LIPC: variants seen among roughly 807,000 people sequenced by gnomAD.
LIPC encodes hepatic triacylglycerol lipase.
LIPC carries 44 observed loss-of-function variants against 50.7 expected under a neutral mutation model. That is an observed-to-expected ratio of 0.87 (90% CI 0.68 to 1.11). The LOEUF is 1.11. Among genes scored for constraint, LIPC ranks in the 50% most tolerant of loss-of-function variants. The pLI, the probability that LIPC is intolerant of heterozygous loss-of-function variation, is 0.00. For synonymous variants in LIPC, 271 were observed against 256.4 expected (o/e 1.06, Z -0.54); for missense variants, 697 against 648.2 (o/e 1.08, Z -0.82).
chr15:58,558,642 C>G (rs1398133229), intron 6 of LIPC, among the ~76,000 whole-genome samples: 1 of 2,422 alleles, frequency 4.1e-4, no homozygotes, highest in Non-Finnish European at 4.0e-3. Flanking sequence ...TTATGAGAAT[C>G]TAATGCCTGA....
chr15:58,461,407 T>C (rs144762594), intron 1 of LIPC, among the ~76,000 whole-genome samples: 110 of 152,236 alleles, frequency 7.2e-4, no homozygotes, highest in African/African-American at 2.4e-3. Flanking sequence ...ACAGAGCCTA[T>C]GGTTTCTTTG....
intron 1 of LIPC, among the ~76,000 whole-genome samples, chr15:58,462,030 C>T (rs1894369490): frequency 6.6e-6 from 1 of 152,080 alleles, no homozygotes; most frequent in African/African-American, 2.4e-5. Flanking sequence ...ACAGCCTGCA[C>T]TGGATCATCC....
Position 58,538,323 on chromosome 15 carries a change from T to A in LIPC, c.89-10T>A, listed in dbSNP as rs1219253468. 2 of 1,613,920 alleles carry A rather than the reference T, an allele frequency of 1.2e-6. No homozygotes were observed. The highest frequency in any genetic ancestry group is 1.7e-6 in the Non-Finnish European group (2 of 1,179,922). The stretch of plus-strand genomic sequence containing the variant: ...CCAGGCTAAGCACCGTCCCCAATCT[T>A]ATATTGCAGAGCCATTTGGAAGAAG... On this transcript the variant is annotated splice_polypyrimidine_tract_variant and intron_variant, in intron 1 of 8. Coordinates refer to ENST00000299022, the MANE Select transcript of LIPC (RefSeq NM_000236.3).
intron 1 of LIPC, among the ~76,000 whole-genome samples, chr15:58,469,994 G>A (rs1295692965): frequency 6.7e-6 from 1 of 148,850 alleles, no homozygotes; most frequent in Non-Finnish European, 1.5e-5. Context: ...GTGCAGTGGT[G>A]CAATCATGCC....
chr15:58,490,496 C>T (rs1489511448), intron 1 of LIPC, among the ~76,000 whole-genome samples: 2 of 152,140 alleles, frequency 1.3e-5, no homozygotes, highest in Non-Finnish European at 2.9e-5. Context: ...CGGCGCCGTT[C>T]GCGGGATAAT....
chr15:58,557,813 C>T (rs180826368), intron 6 of LIPC, among the ~76,000 whole-genome samples: 1 of 152,112 alleles, frequency 6.6e-6, no homozygotes, highest in Non-Finnish European at 1.5e-5. Flanking sequence ...CTGGAAGGTA[C>T]CCTGACTATT....
chr15:58,526,696 G>A (rs1383075512), intron 1 of LIPC, among the ~76,000 whole-genome samples: 1 of 152,272 alleles, frequency 6.6e-6, no homozygotes, highest in East Asian at 1.9e-4. Context: ...ACAAATATCT[G>A]GAAGGAACTA....
intron 1 of LIPC, among the ~76,000 whole-genome samples, chr15:58,496,718 G>GC (rs1891776560): frequency 8.3e-6 from 1 of 120,736 alleles, no homozygotes; most frequent in South Asian, 2.8e-4. Context: ...GAGAACCCAA[G>GC]CCCTGCTACA....
chr15:58,567,271 G>A (rs1375227038), intron 8 of LIPC, among the ~76,000 whole-genome samples: 2 of 79,604 alleles, frequency 2.5e-5, no homozygotes, highest in South Asian at 3.7e-4. Context: ...GTATATGTGT[G>A]TGTGTGTGTG....
intron 1 of LIPC, among the ~76,000 whole-genome samples, chr15:58,470,095 G>A (rs191839024): frequency 1.2e-4 from 18 of 152,150 alleles, no homozygotes; most frequent in Admixed American, 2.6e-4. Context: ...ACCACACCCG[G>A]ATAATTTTTG....
intron 8 of LIPC, chr15:58,565,523 C>T (rs1194191706): frequency 1.4e-5 from 19 of 1,326,218 alleles, no homozygotes; most frequent in Admixed American, 3.3e-5. Context: ...ATTGGTCTCA[C>T]GTGATCTTTG....
At position 58,548,435 on chromosome 15, in the gene LIPC, T is replaced by G. The variant is rs768798538; in HGVS notation, c.914T>G (p.Met305Arg). 1.2e-6 allele frequency: 2 copies of G among 1,614,002 alleles called. No homozygotes were observed. Among genetic ancestry groups the G allele is most frequent in the East Asian group, 2.2e-5 (1 of 44,878 alleles). Reference sequence around the variant, plus strand: ...AGCATGGCCTACCCGTGTGGTGACATGAACAGCTTCAGCCAGGGCCTGTGC... The same window carrying G: ...AGCATGGCCTACCCGTGTGGTGACAGGAACAGCTTCAGCCAGGGCCTGTGC... ...TQSMAYPCGDMNSFSQGLCLS... is the reference protein window; with the variant it reads ...TQSMAYPCGDRNSFSQGLCLS... Residue 305 changes from methionine to arginine, a missense_variant, in exon 6 of 9, where the codon ATG (methionine) becomes AGG (arginine). Coordinates refer to ENST00000299022, the MANE Select transcript of LIPC (RefSeq NM_000236.3).
chr15:58,499,197 A>G (rs1338315660), intron 1 of LIPC, among the ~76,000 whole-genome samples: 1 of 152,184 alleles, frequency 6.6e-6, no homozygotes, highest in Non-Finnish European at 1.5e-5. Context: ...CAGCTCTATA[A>G]ATTCCTTCAC....
intron 6 of LIPC, among the ~76,000 whole-genome samples, chr15:58,551,129 G>C (rs1893745087): frequency 1.3e-5 from 2 of 152,022 alleles, no homozygotes; most frequent in African/African-American, 4.8e-5. Flanking sequence ...GAGCTACTGT[G>C]CCCAGCCCAT....
At chr15:58,472,027 T>C (rs1251901270) in intron 1 of LIPC, among the ~76,000 whole-genome samples, 1 of 151,964 alleles carries the variant, frequency 6.6e-6, no homozygotes, top group Non-Finnish European at 1.5e-5. Flanking sequence ...CCCAGCACTT[T>C]GGGAGGCCAA....
intron 6 of LIPC, among the ~76,000 whole-genome samples, chr15:58,550,825 CTTTTTTTTTTTT>C (rs55943459): frequency 2.2e-4 from 10 of 45,118 alleles, no homozygotes; most frequent in African/African-American, 7.6e-4. Flanking sequence ...TTCTTTCTTA[CTTTTTTTTTTTT>C]TTTTTTTTTT....
chr15:58,568,730 C>T lies in LIPC; in HGVS notation c.1403C>T (p.Ser468Leu). Reference sequence around the variant, plus strand: ...TTTCTATTCAGAATGACATTTTGTTCAGAAAACACAGATGACCTACTACTT... The same window carrying T: ...TTTCTATTCAGAATGACATTTTGTTTAGAAAACACAGATGACCTACTACTT... ...GETQQRMTFC[S>L]ENTDDLLLRP... The change falls in exon 9 of 9, where the codon TCA becomes TTA. Residue 468 changes from serine to leucine, a missense_variant. Transcript: ENST00000299022. 6.2e-7 allele frequency: 1 copy of T among 1,601,712 alleles called. No individual in the cohort carries two copies. Among genetic ancestry groups the T allele is most frequent in the Non-Finnish European group, 8.6e-7 (1 of 1,169,260 alleles).
chr15:58,564,524 T>G (rs561990512), intron 8 of LIPC, among the ~76,000 whole-genome samples: 142 of 151,402 alleles, frequency 9.4e-4, no homozygotes, highest in Middle Eastern at 6.8e-3. Flanking sequence ...GGTCAGGAGT[T>G]CAAGACCAGC....
chr15:58,545,730 C>T lies in LIPC; in HGVS notation c.575-12C>T, dbSNP rs749318726. ...TGCTCCTGCGTAACCCTTACCCCTG[C>T]TTTCCCATTAGGGCTGGATGCCGCG... On this transcript the variant is annotated splice_polypyrimidine_tract_variant and intron_variant, in intron 4 of 8. Coordinates refer to ENST00000299022, the MANE Select transcript of LIPC (RefSeq NM_000236.3). The T allele has an allele frequency of 1.9e-6, 3 of 1,612,728 alleles. No individual in the cohort carries two copies. Among genetic ancestry groups the T allele is most frequent in the Non-Finnish European group, 2.5e-6 (3 of 1,178,714 alleles).
Sources: gnomAD v4.1 joint callset for allele counts (sites outside exome capture counted in the v4.1 genomes callset) on GRCh38, gnomAD v4.1.1 for gene constraint, MANE v1.5 for transcripts, NCBI Gene and HGNC (gene_info 2026-07-23, HGNC 2026-07-21) for gene names.